Variants in IFNA21 observed in about 807,000 individuals in gnomAD.
The protein encoded by IFNA21 is interferon alpha-21.
For synonymous variants in IFNA21, 101 were observed against 82.9 expected (o/e 1.22, Z -1.19); for missense variants, 272 against 212.7 (o/e 1.28, Z -1.73).
Position 21,166,483 on chromosome 9 carries a change from T to C in IFNA21, c.130A>G (p.Met44Val). 2.5e-6 allele frequency: 4 copies of C among 1,614,118 alleles called. No individual in the cohort carries two copies. The highest frequency in any genetic ancestry group is 3.4e-6 in the Non-Finnish European group (4 of 1,180,008). The change falls in exon 1 of 1, where the codon ATG becomes GTG. Residue 44 changes from methionine to valine, a missense_variant. Met to Val is a conservative substitution (Grantham distance 21, BLOSUM62 1). Transcript: ENST00000380225. ...NRRALILLAQ[M>V]GRISPFSCLK... ...CAGGAGAAAGGAGAGATTCTTCCCA[T>C]TTGTGCCAGGAGTATCAAGGCCCTC...
Position 21,166,063 on chromosome 9 carries a change from T to C in IFNA21, c.550A>G (p.Arg184Gly). Residue 184 changes from arginine (R) to glycine (G), a missense_variant, in exon 1 of 1, where the codon AGA (arginine) becomes GGA (glycine). By Grantham distance (125) the Arg-to-Gly change is moderately radical (BLOSUM62 -2). Transcript: ENST00000380225. ...SFSLSKIFQE[R>G]LRRKE ...AGGTTTCATTCCTTCCTCCTTAATC[T>C]TTCTTGAAAAATTTTTGATAAAGAG... 1 of 1,613,956 alleles carries C rather than the reference T, an allele frequency of 6.2e-7. No homozygotes were observed. Among genetic ancestry groups the C allele is most frequent in the Non-Finnish European group, 8.5e-7 (1 of 1,179,930 alleles).
Position 21,166,068 on chromosome 9 carries a change from T to G in IFNA21, c.545A>C (p.Gln182Pro), listed in dbSNP as rs539840597. ...TCATTCCTTCCTCCTTAATCTTTCT[T>G]GAAAAATTTTTGATAAAGAGAAGGA... ...MRSFSLSKIF[Q>P]ERLRRKE Residue 182 changes from glutamine to proline, a missense_variant, in exon 1 of 1, where the codon CAA becomes CCA. Transcript: ENST00000380225. 5 of 1,613,982 alleles carry G rather than the reference T, an allele frequency of 3.1e-6. No individual in the cohort carries two copies. Among genetic ancestry groups the G allele is most frequent in the Admixed American group, 1.7e-5 (1 of 59,976 alleles).
chr9:21,165,849 G>A lies in IFNA21; in HGVS notation c.*194C>T, dbSNP rs1819656056. ...AATAGATAGATAATTAGATCTATCA[G>A]CATGGTCATCTGTAAAGGACTAGTG... On this transcript the variant is annotated 3_prime_UTR_variant, in exon 1 of 1. Coordinates refer to ENST00000380225, the MANE Select transcript of IFNA21 (RefSeq NM_002175.2). 3.9e-6 allele frequency: 2 copies of A among 507,990 alleles called. No individual in the cohort carries two copies. The highest frequency in any genetic ancestry group is 3.8e-5 in the Admixed American group (1 of 26,590). 31.5% of individuals were successfully genotyped at this position (507,990 alleles called of 1,614,324 possible).
rs775249402 is a variant in IFNA21 at position 21,166,204 on chromosome 9, C to T, written c.409G>A (p.Val137Met). The T allele has an allele frequency of 4.3e-6, 7 of 1,614,056 alleles. No homozygotes were observed. The highest frequency in any genetic ancestry group is 2.2e-5 in the East Asian group (1 of 44,900). Residue 137 changes from valine to methionine, a missense_variant, in exon 1 of 1, where the codon GTG becomes ATG. Val to Met is a conservative substitution (Grantham distance 21). Coordinates refer to ENST00000380225, the MANE Select transcript of IFNA21 (RefSeq NM_002175.2). ...TTCTTCACAGCCAGGATGGAGTCCA[C>T]ATTCATCAGGGGAGTCTCTTCCACC... Reference protein sequence around the residue: ...VGVEETPLMNVDSILAVKKYF... With the variant: ...VGVEETPLMNMDSILAVKKYF...
rs143287744 is a variant in IFNA21 at position 21,166,092 on chromosome 9, G to T, written c.521C>A (p.Ser174Tyr). The change falls in exon 1 of 1, where the codon TCC becomes TAC. Residue 174 changes from serine to tyrosine, a missense_variant. Transcript: ENST00000380225. ...WEVVRAEIMRSFSLSKIFQER... is the reference protein window; with the variant it reads ...WEVVRAEIMRYFSLSKIFQER... Reference sequence around the variant, plus strand: ...TTGAAAAATTTTTGATAAAGAGAAGGATCTCATGATTTCTGCTCTGACAAC... The same window carrying T: ...TTGAAAAATTTTTGATAAAGAGAAGTATCTCATGATTTCTGCTCTGACAAC... 2.5e-6 allele frequency: 4 copies of T among 1,613,882 alleles called. No homozygotes were observed. The highest frequency in any genetic ancestry group is 1.3e-5 in the African/African-American group (1 of 74,884).
rs927582178 is a variant in IFNA21, at chr9:21,165,916, G to C, written c.*127C>G. On this transcript the variant is annotated 3_prime_UTR_variant, in exon 1 of 1. Coordinates refer to ENST00000380225, the MANE Select transcript of IFNA21 (RefSeq NM_002175.2). ...TGATGTTTCCTTACACTCCTGAAAAGATCTGAAAATTTTGATTCAACTCAT... is the reference window on the plus strand; with the variant it reads ...TGATGTTTCCTTACACTCCTGAAAACATCTGAAAATTTTGATTCAACTCAT... 1 of 1,235,700 alleles carries C rather than the reference G, an allele frequency of 8.1e-7. No individual in the cohort carries two copies. Among genetic ancestry groups the C allele is most frequent in the South Asian group, 1.5e-5 (1 of 64,734 alleles). The allele number at this position is 1,235,700 out of a possible 1,614,324, so 76.5% of individuals were successfully genotyped here. A position where few individuals can be genotyped will look rare whatever the true frequency, so the allele number is the denominator to read the frequency against.
chr9:21,165,903 A>T lies in IFNA21; in HGVS notation c.*140T>A. ...GCACAGGTAAACATGATGTTTCCTTACACTCCTGAAAAGATCTGAAAATTT... is the reference window on the plus strand; with the variant it reads ...GCACAGGTAAACATGATGTTTCCTTTCACTCCTGAAAAGATCTGAAAATTT... On this transcript the variant is annotated 3_prime_UTR_variant, in exon 1 of 1. Transcript: ENST00000380225. The T allele has an allele frequency of 9.2e-7, 1 of 1,090,532 alleles. No homozygotes were observed. Among genetic ancestry groups the T allele is most frequent in the Non-Finnish European group, 1.3e-6 (1 of 766,500 alleles). The allele number at this position is 1,090,532 out of a possible 1,614,324, so 67.6% of individuals were successfully genotyped here.
rs750806826 is a variant in IFNA21 at position 21,166,090 on chromosome 9, A to G, written c.523T>C (p.Phe175Leu). Residue 175 changes from phenylalanine (F) to leucine (L), a missense_variant, in exon 1 of 1, where the codon TTC becomes CTC. Physicochemically the swap from Phe to Leu is conservative, Grantham distance 22. Coordinates refer to ENST00000380225, the MANE Select transcript of IFNA21 (RefSeq NM_002175.2). ...TCTTGAAAAATTTTTGATAAAGAGA[A>G]GGATCTCATGATTTCTGCTCTGACA... ...EVVRAEIMRS[F>L]SLSKIFQERL... is the part of the protein sequence containing the mutation. 5.6e-6 allele frequency: 9 copies of G among 1,614,042 alleles called. No individual in the cohort carries two copies. The East Asian group carries it at 1.1e-4, about 20-fold the overall frequency.
chr9:21,166,444 G>C lies in IFNA21; in HGVS notation c.169C>G (p.His57Asp), dbSNP rs375429553. The C allele has an allele frequency of 2.3e-5, 37 of 1,614,036 alleles. No individual in the cohort carries two copies. The highest frequency in any genetic ancestry group is 3.1e-5 in the Non-Finnish European group (37 of 1,180,038). Residue 57 changes from histidine (H) to aspartate (D), a missense_variant, in exon 1 of 1, where the codon CAT (histidine) becomes GAT (aspartate). Transcript: ENST00000380225. ...ISPFSCLKDRHDFGFPQEEFD... is the reference protein window; with the variant it reads ...ISPFSCLKDRDDFGFPQEEFD... ...TCCTCCTGGGGGAATCCAAAGTCAT[G>C]TCTGTCCTTCAGGCAGGAGAAAGGA...
In IFNA21 at chr9:21,165,964, G is replaced by C; in HGVS notation, c.*79C>G. The C allele has an allele frequency of 6.6e-7, 1 of 1,505,940 alleles. No homozygotes were observed. Among genetic ancestry groups the C allele is most frequent in the Non-Finnish European group, 9.0e-7 (1 of 1,117,104 alleles). The allele number at this position is 1,505,940 out of a possible 1,614,324, so 93.3% of individuals were successfully genotyped here. Reference sequence around the variant, plus strand: ...CATGCGGTGGTTATAGGAGAAATGAGTCTTTGAAATGGCAGAAGTCATAGA... The same window carrying C: ...CATGCGGTGGTTATAGGAGAAATGACTCTTTGAAATGGCAGAAGTCATAGA... On this transcript the variant is annotated 3_prime_UTR_variant, in exon 1 of 1. Coordinates refer to ENST00000380225, the MANE Select transcript of IFNA21 (RefSeq NM_002175.2).
At position 21,165,799 on chromosome 9, in the gene IFNA21, A is replaced by G. The variant is rs1819655322; in HGVS notation, c.*244T>C. ...ATATTACATGGACAAAAATAATTTA[A>G]ATCTAATAAATAAATAAATATTTCA... On this transcript the variant is annotated 3_prime_UTR_variant, in exon 1 of 1. Transcript: ENST00000380225. 1 of 272,462 alleles carries G rather than the reference A, an allele frequency of 3.7e-6. No individual in the cohort carries two copies. Among genetic ancestry groups the G allele is most frequent in the African/African-American group, 2.2e-5 (1 of 44,490 alleles). The allele number at this position is 272,462 out of a possible 1,614,324, so 16.9% of individuals were successfully genotyped here.
chr9:21,166,203 A>G lies in IFNA21; in HGVS notation c.410T>C (p.Val137Ala), dbSNP rs769792251. The G allele has an allele frequency of 6.8e-6, 11 of 1,614,200 alleles. No homozygotes were observed. Among genetic ancestry groups the G allele is most frequent in the Middle Eastern group, 1.6e-4 (1 of 6,062 alleles). ...VGVEETPLMNVDSILAVKKYF... is the reference protein window; with the variant it reads ...VGVEETPLMNADSILAVKKYF... ...TTTCTTCACAGCCAGGATGGAGTCCACATTCATCAGGGGAGTCTCTTCCAC... is the reference window on the plus strand; with the variant it reads ...TTTCTTCACAGCCAGGATGGAGTCCGCATTCATCAGGGGAGTCTCTTCCAC... The change falls in exon 1 of 1, where the codon GTG (valine) becomes GCG (alanine). Residue 137 changes from valine (V) to alanine (A), a missense_variant. Coordinates refer to ENST00000380225, the MANE Select transcript of IFNA21 (RefSeq NM_002175.2).
Position 21,166,329 on chromosome 9 carries a change from T to C in IFNA21, c.284A>G (p.Asp95Gly). The change falls in exon 1 of 1, where the codon GAC (aspartate) becomes GGC (glycine). Residue 95 changes from aspartate to glycine, a missense_variant. Coordinates refer to ENST00000380225, the MANE Select transcript of IFNA21 (RefSeq NM_002175.2). ...GCTCTGTTCCCAAGTAGCAGATGAG[T>C]CCTTTGTGCTGAAGAGATTGAAGGT... ...QQTFNLFSTK[D>G]SSATWEQSLL... 1 of 1,613,960 alleles carries C rather than the reference T, an allele frequency of 6.2e-7. No homozygotes were observed. The highest frequency in any genetic ancestry group is 8.5e-7 in the Non-Finnish European group (1 of 1,179,980).
chr9:21,165,919 C>G lies in IFNA21; in HGVS notation c.*124G>C, dbSNP rs952380013. 1.6e-6 allele frequency: 2 copies of G among 1,265,982 alleles called. No homozygotes were observed. Among genetic ancestry groups the G allele is most frequent in the Non-Finnish European group, 2.2e-6 (2 of 917,848 alleles). 78.4% of individuals were successfully genotyped at this position (1,265,982 alleles called of 1,614,324 possible). A position where few individuals can be genotyped will look rare whatever the true frequency, so the allele number is the denominator to read the frequency against. The stretch of plus-strand genomic sequence containing the variant: ...TGTTTCCTTACACTCCTGAAAAGAT[C>G]TGAAAATTTTGATTCAACTCATGCG... On this transcript the variant is annotated 3_prime_UTR_variant, in exon 1 of 1. Transcript: ENST00000380225.
At position 21,166,143 on chromosome 9, in the gene IFNA21, T is replaced by G. The variant is rs146372159; in HGVS notation, c.470A>C (p.Lys157Thr). 7.9e-5 allele frequency: 128 copies of G among 1,614,192 alleles called. No individual in the cohort carries two copies. In the African/African-American group the frequency reaches 1.4e-3, roughly 17 times the overall value. Residue 157 changes from lysine (K) to threonine (T), a missense_variant, in exon 1 of 1, where the codon AAG becomes ACG. Physicochemically the swap from Lys to Thr is moderately conservative, Grantham distance 78. Transcript: ENST00000380225. The part of the protein sequence containing the change: ...FQRITLYLTE[K>T]KYSPCAWEVV... Reference sequence around the variant, plus strand: ...CTCCCAGGCACAAGGGCTGTATTTCTTCTCTGTCAGATAAAGAGTGATTCT... The same window carrying G: ...CTCCCAGGCACAAGGGCTGTATTTCGTCTCTGTCAGATAAAGAGTGATTCT...
In IFNA21 at chr9:21,166,365, A is replaced by T; in HGVS notation, c.248T>A (p.Met83Lys). 6.2e-7 allele frequency: 1 copy of T among 1,614,146 alleles called. No individual in the cohort carries two copies. Among genetic ancestry groups the T allele is most frequent in the Non-Finnish European group, 8.5e-7 (1 of 1,180,012 alleles). Residue 83 changes from methionine (M) to lysine (K), a missense_variant, in exon 1 of 1, where the codon ATG becomes AAG. Transcript: ENST00000380225. ...KAQAISVLHE[M>K]IQQTFNLFST... ...GAAGAGATTGAAGGTCTGCTGGATC[A>T]TCTCATGGAGGACAGAGATGGCTTG... is the stretch of plus-strand genomic sequence containing the variant.
Position 21,166,305 on chromosome 9 carries a change from C to T in IFNA21, c.308G>A (p.Ser103Asn), listed in dbSNP as rs1279009634. ...TTCAGTGGAAAATTTTTCTAGGAGGCTCTGTTCCCAAGTAGCAGATGAGTC... is the reference window on the plus strand; with the variant it reads ...TTCAGTGGAAAATTTTTCTAGGAGGTTCTGTTCCCAAGTAGCAGATGAGTC... ...TKDSSATWEQ[S>N]LLEKFSTELN... Residue 103 changes from serine to asparagine, a missense_variant, in exon 1 of 1, where the codon AGC (serine) becomes AAC (asparagine). Coordinates refer to ENST00000380225, the MANE Select transcript of IFNA21 (RefSeq NM_002175.2). 2 of 1,613,936 alleles carry T rather than the reference C, an allele frequency of 1.2e-6. No individual in the cohort carries two copies. The highest frequency in any genetic ancestry group is 2.2e-5 in the East Asian group (1 of 44,884).
At position 21,166,633 on chromosome 9, in the gene IFNA21, T is replaced by C. The variant is rs1326245431; in HGVS notation, c.-21A>G. On this transcript the variant is annotated 5_prime_UTR_variant, in exon 1 of 1. Transcript: ENST00000380225. ...GCCATTGGGATGTTGCCAATATTGCTAGGCTACTTGAGATGGGTAACCTTG... is the reference window on the plus strand; with the variant it reads ...GCCATTGGGATGTTGCCAATATTGCCAGGCTACTTGAGATGGGTAACCTTG... The C allele has an allele frequency of 1.5e-5, 24 of 1,604,546 alleles. No individual in the cohort carries two copies. The highest frequency in any genetic ancestry group is 2.0e-5 in the Non-Finnish European group (23 of 1,174,956).
chr9:21,166,517 C>A lies in IFNA21; in HGVS notation c.96G>T (p.Leu32=), dbSNP rs781002889. The change falls in exon 1 of 1, where the codon CTG becomes CTT. Residue 32 remains leucine, a synonymous_variant. Coordinates refer to ENST00000380225, the MANE Select transcript of IFNA21 (RefSeq NM_002175.2). Reference sequence around the variant, plus strand: ...GGAGTATCAAGGCCCTCCTATTACCCAGGCTGTGGGTCTGAGGCAGATCAC... The same window carrying A: ...GGAGTATCAAGGCCCTCCTATTACCAAGGCTGTGGGTCTGAGGCAGATCAC... ...LGCDLPQTHS[L]GNRRALILLA... is the part of the protein sequence containing the mutation. 6.2e-7 allele frequency: 1 copy of A among 1,613,972 alleles called. No homozygotes were observed. Among genetic ancestry groups the A allele is most frequent in the Non-Finnish European group, 8.5e-7 (1 of 1,180,016 alleles).
Sources: gnomAD v4.1 joint callset for allele counts on GRCh38, gnomAD v4.1.1 for gene constraint, MANE v1.5 for transcripts, NCBI Gene and HGNC (gene_info 2026-07-23, HGNC 2026-07-21) for gene names.